Variants in PRICKLE2 observed in about 807,000 individuals in gnomAD.
PRICKLE2 encodes prickle planar cell polarity protein 2.
Under a neutral mutation model 81.4 loss-of-function variants are expected in PRICKLE2, and 21 were observed. The ratio of observed to expected loss-of-function variants is 0.26; its 90% CI spans 0.18 to 0.37. PRICKLE2 has a LOEUF of 0.37. Ranked by LOEUF, PRICKLE2 falls within the 10% of genes least tolerant of loss-of-function variation. The probability of loss-of-function intolerance (pLI) is 1.00; values close to 1 mark genes in which losing one functional copy is unlikely to be tolerated. For synonymous variants in PRICKLE2, 456 were observed against 421.5 expected (o/e 1.08, Z -1.00); for missense variants, 940 against 1,109.0 (o/e 0.85, Z 2.16).
intron 2 of PRICKLE2, among the ~76,000 whole-genome samples, chr3:64,180,723 G>C (rs1476779831): frequency 6.6e-6 from 1 of 152,070 alleles, no homozygotes; most frequent in East Asian, 1.9e-4. Context: ...AGTAGAGACG[G>C]GGTTTCACCA....
At chr3:64,207,845 T>C (rs1204601177) in intron 1 of PRICKLE2, among the ~76,000 whole-genome samples, 1 of 152,204 alleles carries the variant, frequency 6.6e-6, no homozygotes, top group Non-Finnish European at 1.5e-5. Context: ...TTGAATTGTG[T>C]CTTTGTACGC....
chr3:64,150,793 G>A (rs1227237950), intron 6 of PRICKLE2, among the ~76,000 whole-genome samples: 1 of 152,144 alleles, frequency 6.6e-6, no homozygotes, highest in Non-Finnish European at 1.5e-5. Flanking sequence ...TCGGGATGGG[G>A]GCCTCATGGA....
At chr3:64,182,108 TG>T (rs2078145308) in intron 2 of PRICKLE2, among the ~76,000 whole-genome samples, 1 of 152,048 alleles carries the variant, frequency 6.6e-6, no homozygotes, top group African/African-American at 2.4e-5. Flanking sequence ...ATTCATGTGT[TG>T]GAAACTTATT....
chr3:64,182,456 C>A (rs1382817348), intron 2 of PRICKLE2, among the ~76,000 whole-genome samples: 1 of 151,266 alleles, frequency 6.6e-6, no homozygotes, highest in African/African-American at 2.4e-5. Flanking sequence ...AATTGCACCA[C>A]TGCACTCTGG....
intron 2 of PRICKLE2, chr3:64,163,774 T>G (rs1015293265): frequency 1.3e-5 from 2 of 154,616 alleles, no homozygotes; most frequent in African/African-American, 4.8e-5. Flanking sequence ...CATATTCTTG[T>G]ACTTTATGAG....
chr3:64,157,372 G>C lies in PRICKLE2; in HGVS notation c.397-7C>G. 2.5e-6 allele frequency: 4 copies of C among 1,612,582 alleles called. No homozygotes were observed. Among genetic ancestry groups the C allele is most frequent in the Non-Finnish European group, 3.4e-6 (4 of 1,179,916 alleles). On this transcript the variant is annotated splice_polypyrimidine_tract_variant and splice_region_variant and intron_variant, in intron 4 of 7. Coordinates refer to ENST00000638394, the MANE Select transcript of PRICKLE2 (RefSeq NM_198859.4). ...CATTGATCTGGCCTCCGCACTGTGA[G>C]GCAAACAGAAACATCAGTAGTCACA...
chr3:64,175,388 T>C (rs938024558), intron 2 of PRICKLE2, among the ~76,000 whole-genome samples: 2 of 152,192 alleles, frequency 1.3e-5, no homozygotes, highest in African/African-American at 4.8e-5. Flanking sequence ...GCTAGTTAGT[T>C]TCTACAGAAC....
At chr3:64,120,017 C>A (rs976705184) in intron 7 of PRICKLE2, among the ~76,000 whole-genome samples, 1 of 152,000 alleles carries the variant, frequency 6.6e-6, no homozygotes, top group Admixed American at 6.6e-5. Context: ...GGGTACTCAA[C>A]GGATGTAAAG....
chr3:64,172,930 T>G (rs561360020), intron 2 of PRICKLE2, among the ~76,000 whole-genome samples: 28 of 152,310 alleles, frequency 1.8e-4, no homozygotes, highest in Admixed American at 5.9e-4. Context: ...TGCTGACATC[T>G]TGATCTTGAG....
chr3:64,172,951 C>G (rs1161204488), intron 2 of PRICKLE2, among the ~76,000 whole-genome samples: 1 of 152,118 alleles, frequency 6.6e-6, no homozygotes, highest in Non-Finnish European at 1.5e-5. Flanking sequence ...CTTTTGGACT[C>G]CAGAACTGTG....
rs149356641 is a variant in PRICKLE2, at chr3:64,206,700, T to C, written c.-40-7733A>G. ...TGCTTAAAGAGTGGTTCAGCCCCAG[T>C]ACAAACCAAGTGACTGACAAGGAAT... On this transcript the variant is annotated intron_variant, in intron 1 of 7. Coordinates refer to ENST00000638394, the MANE Select transcript of PRICKLE2 (RefSeq NM_198859.4). Among the ~76,000 whole-genome samples the C allele has an allele frequency of 3.0e-3, 454 of 152,256 alleles. 2 individuals carry two copies. Among genetic ancestry groups the C allele is most frequent in the African/African-American group, 0.01 (433 of 41,544 alleles).
chr3:64,201,541 A>T (rs1364529434), intron 1 of PRICKLE2, among the ~76,000 whole-genome samples: 1 of 152,176 alleles, frequency 6.6e-6, no homozygotes, highest in East Asian at 1.9e-4. Context: ...TCTTCTTAGA[A>T]TAGAGACATG....
rs771310187 is a variant in PRICKLE2 at position 64,157,288 on chromosome 3, C to T, written c.474G>A (p.Pro158=). The T allele has an allele frequency of 1.2e-5, 19 of 1,614,164 alleles. No homozygotes were observed. Among genetic ancestry groups the T allele is most frequent in the Middle Eastern group, 3.3e-4 (2 of 6,024 alleles). ...CATTGCAGACAGTGCATACGAAGCA[C>T]GGCGGGTGCCAGCAAACGCCGTGGC... ...RAGHGVCWHP[P]CFVCTVCNEL... is the part of the protein sequence containing the mutation. The change falls in exon 5 of 8, where the codon CCG becomes CCA. Residue 158 remains proline, a synonymous_variant. Transcript: ENST00000638394.
At chr3:64,131,619 T>C (rs1357680674) in intron 7 of PRICKLE2, among the ~76,000 whole-genome samples, 2 of 152,350 alleles carry the variant, frequency 1.3e-5, no homozygotes, top group African/African-American at 4.8e-5. Flanking sequence ...AATTCAAATG[T>C]ACTGTGTATA....
At chr3:64,122,490 TG>T (rs2077042147) in intron 7 of PRICKLE2, among the ~76,000 whole-genome samples, 1 of 152,190 alleles carries the variant, frequency 6.6e-6, no homozygotes, top group Non-Finnish European at 1.5e-5. Flanking sequence ...GTTCTTCAGT[TG>T]ATTTTGATGC....
rs373876776 is a variant in PRICKLE2 at position 64,170,497 on chromosome 3, C to T, written c.145-7368G>A. Reference sequence around the variant, plus strand: ...GCTTTCACCTTTGTGCCTCTGCAGTCGAGTCTCTATTCAGCAGCAATAACA... The same window carrying T: ...GCTTTCACCTTTGTGCCTCTGCAGTTGAGTCTCTATTCAGCAGCAATAACA... On this transcript the variant is annotated intron_variant, in intron 2 of 7. Coordinates refer to ENST00000638394, the MANE Select transcript of PRICKLE2 (RefSeq NM_198859.4). Among the ~76,000 whole-genome samples the T allele has an allele frequency of 3.9e-5, 6 of 152,140 alleles. No individual in the cohort carries two copies. The East Asian group carries it at 5.8e-4, about 15-fold the overall frequency.
At chr3:64,137,054 C>T (rs56077180) in intron 7 of PRICKLE2, among the ~76,000 whole-genome samples, 7,919 of 152,204 alleles carry the variant, frequency 0.052, 271 homozygotes, top group Non-Finnish European at 0.081. Flanking sequence ...TGAACTAATA[C>T]GTAGGGAAGA....
At chr3:64,169,637 C>T (rs1488054872) in intron 2 of PRICKLE2, among the ~76,000 whole-genome samples, 1 of 152,166 alleles carries the variant, frequency 6.6e-6, no homozygotes, top group East Asian at 1.9e-4. Flanking sequence ...AAAAGGCAAA[C>T]ACAAACACAA....
intron 1 of PRICKLE2, among the ~76,000 whole-genome samples, chr3:64,212,856 T>C (rs903176692): frequency 6.6e-6 from 1 of 152,192 alleles, no homozygotes; most frequent in African/African-American, 2.4e-5. Context: ...GAAGTCAACC[T>C]AGACCCTACT....
Sources: allele counts gnomAD v4.1 joint callset (sites outside exome capture counted in the v4.1 genomes callset), GRCh38; gene constraint gnomAD v4.1.1; transcripts MANE v1.5; gene names NCBI Gene and HGNC (gene_info 2026-07-23, HGNC 2026-07-21).